The following SIL1 variants were observed in gnomAD, a reference collection of about 807,000 sequenced individuals.
SIL1 encodes SIL1 nucleotide exchange factor.
A neutral mutation model predicts 49.1 loss-of-function variants in SIL1; 40 were observed. That is an observed-to-expected ratio of 0.81 (90% CI 0.63 to 1.06). The LOEUF is 1.06. Ranked by LOEUF, SIL1 falls within the 50% of genes least tolerant of loss-of-function variation. The probability of loss-of-function intolerance (pLI) is 0.00; values close to 1 mark genes in which losing one functional copy is unlikely to be tolerated. For synonymous variants in SIL1, 253 were observed against 250.8 expected (o/e 1.01, Z -0.08); for missense variants, 500 against 572.6 (o/e 0.87, Z 1.29).
At chr5:139,122,588 C>CT (rs1209822367) in intron 2 of SIL1, among the ~76,000 whole-genome samples, 2 of 151,234 alleles carry the variant, frequency 1.3e-5, no homozygotes, top group South Asian at 4.2e-4. Context: ...GAGCAAGACC[C>CT]TGTCTCAAAA....
Position 139,026,972 on chromosome 5 carries a change from C to T in SIL1, c.474G>A (p.Lys158=). ...GTTCCTCAATGGGGCGGAAGAGCCG[C>T]TTTACCTCAGCCTGCCTTGCCTAAG... The part of the protein sequence containing the change: ...KEDKARQAEV[K]RLFRPIEELK... The change falls in exon 6 of 10, where the codon AAG becomes AAA. Residue 158 remains lysine (K), a synonymous_variant. Coordinates refer to ENST00000394817, the MANE Select transcript of SIL1 (RefSeq NM_022464.5). 6.2e-7 allele frequency: 1 copy of T among 1,614,206 alleles called. No individual in the cohort carries two copies. Among genetic ancestry groups the T allele is most frequent in the Non-Finnish European group, 8.5e-7 (1 of 1,180,040 alleles).
chr5:139,153,517 A>G (rs969556884), intron 1 of SIL1, among the ~76,000 whole-genome samples: 14 of 152,186 alleles, frequency 9.2e-5, no homozygotes, highest in African/African-American at 3.4e-4. Flanking sequence ...TGTTAGACTC[A>G]CTTCTCAGTT....
At chr5:139,021,737 G>A (rs1768532921) in intron 6 of SIL1, 1 of 244,982 alleles carries the variant, frequency 4.1e-6, no homozygotes, top group South Asian at 5.4e-5. Flanking sequence ...TAGAAGCTAG[G>A]GACTATAAAA....
chr5:139,194,513 A>G (rs1205193969), intron 1 of SIL1, among the ~76,000 whole-genome samples: 1 of 152,224 alleles, frequency 6.6e-6, no homozygotes, highest in East Asian at 1.9e-4. Flanking sequence ...TCTGCTGTAG[A>G]AGACTAAGGT....
intron 3 of SIL1, among the ~76,000 whole-genome samples, chr5:139,117,233 C>T (rs140705950): frequency 6.6e-6 from 1 of 152,262 alleles, no homozygotes; most frequent in East Asian, 1.9e-4. Flanking sequence ...TTTTGCTACA[C>T]AAGAAGATAG....
chr5:139,097,614 A>T (rs1770497940), intron 3 of SIL1, among the ~76,000 whole-genome samples: 1 of 151,800 alleles, frequency 6.6e-6, no homozygotes, highest in Non-Finnish European at 1.5e-5. Flanking sequence ...AGCAGCTGGG[A>T]CTACAGGAAC....
intron 3 of SIL1, among the ~76,000 whole-genome samples, chr5:139,074,788 G>C (rs1033769730): frequency 6.6e-6 from 1 of 151,866 alleles, no homozygotes; most frequent in Non-Finnish European, 1.5e-5. Context: ...ATCCCCTCTT[G>C]CCTTCAGAAC....
chr5:138,983,374 G>A (rs1022026704), intron 7 of SIL1, among the ~76,000 whole-genome samples: 2 of 151,722 alleles, frequency 1.3e-5, no homozygotes, highest in Non-Finnish European at 2.9e-5. Context: ...CAGGCGTGGT[G>A]GCAGATGCCT....
At chr5:139,048,201 A>G (rs1769208238) in intron 4 of SIL1, among the ~76,000 whole-genome samples, 1 of 151,922 alleles carries the variant, frequency 6.6e-6, no homozygotes, top group Non-Finnish European at 1.5e-5. Context: ...CCCAGGCTGC[A>G]GTACAGTGGC....
At chr5:139,092,151 A>G (rs1770356498) in intron 3 of SIL1, among the ~76,000 whole-genome samples, 1 of 152,184 alleles carries the variant, frequency 6.6e-6, no homozygotes, top group African/African-American at 2.4e-5. Flanking sequence ...TGGTACTGAT[A>G]AAAAGCATAT....
intron 3 of SIL1, among the ~76,000 whole-genome samples, chr5:139,068,471 C>T (rs1454157483): frequency 2.0e-5 from 3 of 151,898 alleles, no homozygotes; most frequent in Non-Finnish European, 2.9e-5. Context: ...TGAGAAAATA[C>T]GGCTAGAAGT....
At chr5:139,169,057 G>A (rs1032377838) in intron 1 of SIL1, among the ~76,000 whole-genome samples, 13 of 152,154 alleles carry the variant, frequency 8.5e-5, no homozygotes, top group African/African-American at 2.9e-4. Flanking sequence ...GGGATGGGAG[G>A]ATTGCATGAG....
chr5:138,963,573 C>T (rs554690048), intron 7 of SIL1, among the ~76,000 whole-genome samples: 34 of 152,342 alleles, frequency 2.2e-4, no homozygotes, highest in African/African-American at 7.9e-4. Context: ...GTATAGACTA[C>T]AAATCTCTCT....
intron 7 of SIL1, among the ~76,000 whole-genome samples, chr5:139,015,456 A>G (rs1768377954): frequency 6.6e-6 from 1 of 152,262 alleles, no homozygotes; most frequent in Non-Finnish European, 1.5e-5. Context: ...ATCTTAAAAA[A>G]CAAAGACATT....
At chr5:139,192,567 C>A (rs187944448) in intron 1 of SIL1, among the ~76,000 whole-genome samples, 1 of 152,122 alleles carries the variant, frequency 6.6e-6, no homozygotes, top group South Asian at 2.1e-4. Flanking sequence ...CCAAAGGTTC[C>A]GATGTCCAGT....
intron 3 of SIL1, among the ~76,000 whole-genome samples, chr5:139,097,926 T>G (rs1341831396): frequency 6.6e-6 from 1 of 152,158 alleles, no homozygotes; most frequent in Non-Finnish European, 1.5e-5. Flanking sequence ...TATAAAACAC[T>G]GATGAATGAA....
At chr5:139,146,933 A>G (rs960658085) in intron 1 of SIL1, among the ~76,000 whole-genome samples, 1 of 152,226 alleles carries the variant, frequency 6.6e-6, no homozygotes, top group Non-Finnish European at 1.5e-5. Context: ...TGCAACTATC[A>G]TAAGATCCAC....
chr5:139,021,304 C>T lies in SIL1; in HGVS notation c.646-12G>A. 13 of 1,614,040 alleles carry T rather than the reference C, an allele frequency of 8.1e-6. No individual in the cohort carries two copies. The highest frequency in any genetic ancestry group is 1.1e-5 in the Non-Finnish European group (13 of 1,179,968). On this transcript the variant is annotated splice_polypyrimidine_tract_variant and intron_variant, in intron 6 of 9. Transcript: ENST00000394817. ...TGCGCATTGTCCATCTGCAACAGAG[C>T]CACTGCTTAGTACAGCATAGCCATC...
intron 1 of SIL1, among the ~76,000 whole-genome samples, chr5:139,154,697 G>A (rs1278580634): frequency 6.6e-6 from 1 of 152,148 alleles, no homozygotes; most frequent in Non-Finnish European, 1.5e-5. Context: ...TCTAAGCCTA[G>A]ACCAGGGAGA....
Sources: allele counts gnomAD v4.1 joint callset (sites outside exome capture counted in the v4.1 genomes callset), GRCh38; gene constraint gnomAD v4.1.1; transcripts MANE v1.5; gene names NCBI Gene and HGNC (gene_info 2026-07-23, HGNC 2026-07-21).